Variants in TDRD9 observed in about 807,000 individuals in gnomAD.
TDRD9 encodes the protein ATP-dependent RNA helicase TDRD9.
A neutral mutation model predicts 172.6 loss-of-function variants in TDRD9; 124 were observed. The ratio of observed to expected loss-of-function variants is 0.72; its 90% confidence interval spans 0.62 to 0.83. TDRD9 has a LOEUF of 0.83. Among genes scored for constraint, TDRD9 ranks in the 40% least tolerant of loss-of-function variants. The pLI is 0.00. For synonymous variants in TDRD9, 619 were observed against 617.1 expected (o/e 1.00, Z -0.05); for missense variants, 1,479 against 1,714.1 (o/e 0.86, Z 2.42).
intron 13 of TDRD9, among the ~76,000 whole-genome samples, chr14:104,000,124 C>T (rs1030545964): frequency 1.3e-5 from 2 of 151,702 alleles, no homozygotes; most frequent in Non-Finnish European, 2.9e-5. Flanking sequence ...CTTAGGAGTT[C>T]GAGACCGGCC....
chr14:103,928,876 A>G (rs1033687770), intron 1 of TDRD9, 152 bp downstream of exon 1: 9 of 231,132 alleles, frequency 3.9e-5, no homozygotes, highest in African/African-American at 1.2e-4. Flanking sequence ...TCACTACACA[A>G]CCCGACGCGC....
At chr14:103,986,985 G>A (rs896444673) in intron 8 of TDRD9, among the ~76,000 whole-genome samples, 3 of 152,072 alleles carry the variant, frequency 2.0e-5, no homozygotes, top group African/African-American at 2.4e-5. Context: ...ATGGTGGTGC[G>A]CACCTGTAGT....
At chr14:103,954,661 C>A (rs977073740) in intron 1 of TDRD9, among the ~76,000 whole-genome samples, 14 of 152,170 alleles carry the variant, frequency 9.2e-5, no homozygotes, top group African/African-American at 3.4e-4. Context: ...TGGAATGTGG[C>A]TCTGTTGCCC....
intron 31 of TDRD9, 71 bp from the exon 32 acceptor site, chr14:104,034,889 G>C: frequency 8.3e-7 from 1 of 1,199,538 alleles, no homozygotes; most frequent in Non-Finnish European, 1.2e-6. Context: ...GAGTAGGAGC[G>C]GGCCGGGAGG....
chr14:103,932,015 C>A (rs553187906), intron 1 of TDRD9, among the ~76,000 whole-genome samples: 1 of 152,266 alleles, frequency 6.6e-6, no homozygotes, highest in Non-Finnish European at 1.5e-5. Context: ...GGGACTGATC[C>A]TACAATTGCA....
At position 103,963,155 on chromosome 14, in the gene TDRD9, T is replaced by C. The variant is rs1351661270; in HGVS notation, c.399T>C (p.Pro133=). 1.3e-6 allele frequency: 2 copies of C among 1,548,560 alleles called. No individual in the cohort carries two copies. Among genetic ancestry groups the C allele is most frequent in the Admixed American group, 4.0e-5 (2 of 50,614 alleles). The change falls in exon 3 of 36, where the codon CCT becomes CCC. Residue 133 remains proline (P), a synonymous_variant. Transcript: ENST00000409874. ...PGTTYKYPDL[P]ISRYKEEVVS... is the part of the protein sequence containing the mutation. Reference sequence around the variant, plus strand: ...CAACTTATAAATATCCTGATTTGCCTATAAGTCGATACAAGGAAGAGGTAA... The same window carrying C: ...CAACTTATAAATATCCTGATTTGCCCATAAGTCGATACAAGGAAGAGGTAA...
intron 34 of TDRD9, among the ~76,000 whole-genome samples, chr14:104,047,606 A>G (rs913745330): frequency 1.3e-5 from 2 of 152,166 alleles, no homozygotes; most frequent in African/African-American, 4.8e-5. Context: ...CTAGGGAGAC[A>G]TTGCTTTGCA....
At chr14:103,962,963 T>TGA (rs956889337) in intron 2 of TDRD9, 116 bp from the exon 3 acceptor site, 4 of 470,434 alleles carry the variant, frequency 8.5e-6, no homozygotes, top group Middle Eastern at 4.6e-4. Flanking sequence ...TTTTTGTATT[T>TGA]GAGTGTGTGT....
At chr14:103,989,995 G>A (rs941834792) in intron 8 of TDRD9, among the ~76,000 whole-genome samples, 1 of 152,230 alleles carries the variant, frequency 6.6e-6, no homozygotes, top group Non-Finnish European at 1.5e-5. Context: ...AGCTGACCAA[G>A]CTATTAGCCT....
chr14:104,035,041 C>G lies in TDRD9; in HGVS notation c.3701C>G (p.Pro1234Arg). 1 of 1,551,386 alleles carries G rather than the reference C, an allele frequency of 6.4e-7. No homozygotes were observed. Among genetic ancestry groups the G allele is most frequent in the Admixed American group, 2.0e-5 (1 of 50,992 alleles). The stretch of plus-strand genomic sequence containing the variant: ...GCTCTCCTCAGCATGTTATTCGCAC[C>G]GGTGATAGAGTTAAGGTACGGGCAT... ...LPALLSMLFAPVIELRIDQNG... is the reference protein window; with the variant it reads ...LPALLSMLFARVIELRIDQNG... The change falls in exon 32 of 36, where the codon CCG becomes CGG. Residue 1234 changes from proline to arginine, a missense_variant. Physicochemically the swap from Pro to Arg is moderately radical, Grantham distance 103. Around this residue, in one of 3 missense-constraint regions of TDRD9, gnomAD observed 1,413 missense variants for 1,649.1 expected, o/e 0.86. Coordinates refer to ENST00000409874, the MANE Select transcript of TDRD9 (RefSeq NM_153046.3).
rs995221398 is a variant in TDRD9, at chr14:104,024,602, T to A, written c.2640T>A (p.Asp880Glu). 6.2e-7 allele frequency: 1 copy of A among 1,612,332 alleles called. No homozygotes were observed. The highest frequency in any genetic ancestry group is 1.3e-5 in the African/African-American group (1 of 74,872). ...VNVDFQKQTVDPMQVSFNTSD... is the reference protein window; with the variant it reads ...VNVDFQKQTVEPMQVSFNTSD... ...TGGACTTCCAGAAGCAGACGGTAGATCCTATGCAAGTCTCCTTTAACACAT... is the reference window on the plus strand; with the variant it reads ...TGGACTTCCAGAAGCAGACGGTAGAACCTATGCAAGTCTCCTTTAACACAT... Residue 880 changes from aspartate (D) to glutamate (E), a missense_variant, in exon 25 of 36, where the codon GAT (aspartate) becomes GAA (glutamate). Physicochemically the swap from Asp to Glu is conservative, Grantham distance 45. Coordinates refer to ENST00000409874, the MANE Select transcript of TDRD9 (RefSeq NM_153046.3).
In TDRD9 at chr14:104,023,260, T is replaced by C. The variant is rs529958591; in HGVS notation, c.2606+930T>C. On this transcript the variant is annotated intron_variant, in intron 24 of 35. Transcript: ENST00000409874. Reference sequence around the variant, plus strand: ...TGTTGAGAGGATTGAGTGATATCATTGATGTAATTTTTAGTTAAATAGTAG... The same window carrying C: ...TGTTGAGAGGATTGAGTGATATCATCGATGTAATTTTTAGTTAAATAGTAG... 3.3e-5 allele frequency among the ~76,000 whole-genome samples: 5 copies of C among 151,118 alleles called. No individual in the cohort carries two copies. The East Asian group carries it at 9.7e-4, about 29-fold the overall frequency.
intron 1 of TDRD9, among the ~76,000 whole-genome samples, chr14:103,929,586 C>A (rs1243639468): frequency 6.6e-6 from 1 of 151,608 alleles, no homozygotes; most frequent in Non-Finnish European, 1.5e-5. Flanking sequence ...GTGGCGCCAT[C>A]TCGCCTCACT....
At chr14:104,025,470 C>A in intron 25 of TDRD9, 94 bp from the exon 26 acceptor site, 1 of 912,854 alleles carries the variant, frequency 1.1e-6, no homozygotes, top group Non-Finnish European at 1.7e-6. Context: ...AGGTGTCGTA[C>A]AGCACAGGGT....
At chr14:103,976,940 T>G (rs1255114792) in intron 7 of TDRD9, among the ~76,000 whole-genome samples, 1 of 152,072 alleles carries the variant, frequency 6.6e-6, no homozygotes, top group East Asian at 1.9e-4. Context: ...CACTGAAACC[T>G]TGAAGTCCTG....
At chr14:103,996,454 G>A (rs1490605831) in intron 12 of TDRD9, among the ~76,000 whole-genome samples, 1 of 152,114 alleles carries the variant, frequency 6.6e-6, no homozygotes, top group Non-Finnish European at 1.5e-5. Flanking sequence ...ATAAATCAGG[G>A]GAAGGGGTAC....
At chr14:104,009,315 G>A (rs1358752301) in intron 20 of TDRD9, among the ~76,000 whole-genome samples, 2 of 152,236 alleles carry the variant, frequency 1.3e-5, no homozygotes, top group Non-Finnish European at 2.9e-5. Flanking sequence ...AGGTGGAGCA[G>A]TTTCATCCTG....
intron 30 of TDRD9, among the ~76,000 whole-genome samples, chr14:104,033,673 G>A (rs568256471): frequency 1.3e-5 from 2 of 152,078 alleles, no homozygotes; most frequent in African/African-American, 4.8e-5. Flanking sequence ...GGAGGTGGAG[G>A]TTCGGGCATC....
intron 1 of TDRD9, among the ~76,000 whole-genome samples, chr14:103,949,060 A>G (rs2031724970): frequency 1.3e-5 from 2 of 152,180 alleles, no homozygotes; most frequent in South Asian, 4.1e-4. Context: ...AGATTGTTTT[A>G]CAAGATGAAG....
Sources: gnomAD v4.1 joint callset for allele counts (sites outside exome capture counted in the v4.1 genomes callset) on GRCh38, gnomAD v4.1.1 for gene constraint, gnomAD v4.1.1 regional missense constraint, MANE v1.5 for transcripts, NCBI Gene and HGNC (gene_info 2026-07-23, HGNC 2026-07-21) for gene names.